NCK1: variants seen among roughly 807,000 people sequenced by gnomAD.
NCK1 encodes SH2/SH3 adapter protein NCK1.
In NCK1, 19 loss-of-function variants were observed where a neutral mutation model predicts 36.6. The observed-to-expected ratio is 0.52, with a 90% CI of 0.36 to 0.76. NCK1 has a LOEUF of 0.76. Among genes scored for constraint, NCK1 ranks in the 30% least tolerant of loss-of-function variants. The pLI, the probability that NCK1 is intolerant of heterozygous loss-of-function variation, is 0.00. For missense variants in NCK1, 358 were observed against 445.6 expected (o/e 0.80, Z 1.77); for synonymous variants, 165 against 156.0 (o/e 1.06, Z -0.43).
intron 1 of NCK1, among the ~76,000 whole-genome samples, chr3:136,907,994 C>G (rs1939732205): frequency 6.6e-6 from 1 of 152,174 alleles, no homozygotes; most frequent in Non-Finnish European, 1.5e-5. Flanking sequence ...ATCACTTACT[C>G]TCTTTGGGAA....
In NCK1 at chr3:136,928,266, A is replaced by G. The variant is rs761527835; in HGVS notation, c.226+39A>G. The G allele has an allele frequency of 3.3e-6, 5 of 1,533,214 alleles. No individual in the cohort carries two copies. The South Asian group carries it at 6.2e-5, about 19-fold the overall frequency. The allele number at this position is 1,533,214 out of a possible 1,614,324, so 95.0% of individuals were successfully genotyped here. ...TAAAAGAAAAGCAACTTTGTTTTAA[A>G]TGAAACCTGCAACTTAGTTCTTTGT... is the stretch of plus-strand genomic sequence containing the variant. On this transcript the variant is annotated intron_variant, in intron 2 of 3. Coordinates refer to ENST00000481752, the MANE Select transcript of NCK1 (RefSeq NM_001291999.2).
At chr3:136,908,479 T>C (rs1939743507) in intron 1 of NCK1, among the ~76,000 whole-genome samples, 2 of 152,198 alleles carry the variant, frequency 1.3e-5, no homozygotes, top group African/African-American at 4.8e-5. Flanking sequence ...CATTTGGATA[T>C]GGAAACAGGG....
intron 2 of NCK1, among the ~76,000 whole-genome samples, chr3:136,934,407 TC>T (rs982779384): frequency 5.2e-4 from 79 of 152,060 alleles, no homozygotes; most frequent in African/African-American, 1.7e-3. Context: ...TGCCTCAGCC[TC>T]CCGAGTAGCT....
At chr3:136,867,104 C>G (rs1336549732) in intron 1 of NCK1, among the ~76,000 whole-genome samples, 1 of 31,926 alleles carries the variant, frequency 3.1e-5, no homozygotes, top group African/African-American at 1.1e-4. Flanking sequence ...TTCTTTCTTT[C>G]TTTCTTTCTT....
At chr3:136,878,990 CTG>C (rs1182760122) in intron 1 of NCK1, among the ~76,000 whole-genome samples, 1 of 152,080 alleles carries the variant, frequency 6.6e-6, no homozygotes, top group Admixed American at 6.6e-5. Flanking sequence ...AGAAGAGAAT[CTG>C]TGTTATTTAC....
chr3:136,896,799 CCATA>C (rs1939403937), intron 1 of NCK1, among the ~76,000 whole-genome samples: 1 of 151,816 alleles, frequency 6.6e-6, no homozygotes, highest in African/African-American at 2.4e-5. Context: ...GTGCCTGGCC[CCATA>C]CATCTGTTGA....
intron 1 of NCK1, among the ~76,000 whole-genome samples, chr3:136,914,993 T>C (rs973812862): frequency 1.3e-5 from 2 of 152,234 alleles, no homozygotes; most frequent in Non-Finnish European, 2.9e-5. Flanking sequence ...GTGATCTGTG[T>C]ACATGCTGGC....
intron 1 of NCK1, among the ~76,000 whole-genome samples, chr3:136,877,117 C>A (rs1315834703): frequency 6.6e-6 from 1 of 151,972 alleles, no homozygotes; most frequent in Non-Finnish European, 1.5e-5. Context: ...AATAATGAGA[C>A]AAAAATACAT....
chr3:136,876,788 G>A (rs1938785878), intron 1 of NCK1, among the ~76,000 whole-genome samples: 1 of 152,118 alleles, frequency 6.6e-6, no homozygotes, highest in African/African-American at 2.4e-5. Flanking sequence ...ACGAATCAGT[G>A]TAACTGCTAA....
At chr3:136,904,560 G>C (rs777196674) in intron 1 of NCK1, among the ~76,000 whole-genome samples, 4 of 152,196 alleles carry the variant, frequency 2.6e-5, no homozygotes, top group Non-Finnish European at 4.4e-5. Context: ...GTGACTAGAT[G>C]CTTTTCTTGC....
At chr3:136,930,428 T>C in intron 2 of NCK1, 1 of 1,231,152 alleles carries the variant, frequency 8.1e-7, no homozygotes, top group East Asian at 3.2e-5. Flanking sequence ...AAATTTTCTA[T>C]TGCCTGGGTG....
chr3:136,934,354 C>T (rs555293898), intron 2 of NCK1, among the ~76,000 whole-genome samples: 25 of 151,498 alleles, frequency 1.7e-4, no homozygotes, highest in South Asian at 2.1e-4. Context: ...GGTGTGATCT[C>T]GGCTCACTGC....
chr3:136,867,426 T>TTG (rs1938483796), intron 1 of NCK1: 1 of 146,346 alleles, frequency 6.8e-6, no homozygotes, highest in East Asian at 2.0e-4. Flanking sequence ...TTTTTTTTTT[T>TTG]GTAGAGATAG....
In NCK1 at chr3:136,946,286, T is replaced by C; in HGVS notation, c.930T>C (p.Ser310=). The C allele has an allele frequency of 1.2e-6, 2 of 1,607,904 alleles. No homozygotes were observed. Among genetic ancestry groups the C allele is most frequent in the Non-Finnish European group, 1.7e-6 (2 of 1,176,086 alleles). Residue 310 remains serine, a synonymous_variant, in exon 3 of 4, where the codon AGT becomes AGC. Transcript: ENST00000481752. ...GHEGDFLIRD[S]ESSPNDFSVS... ...AAGGGGATTTCCTCATTCGTGATAG[T>C]GAATCTTCGGTAAGTTGATTTTCGG... is the stretch of plus-strand genomic sequence containing the variant.
rs148059081 is a variant in NCK1, at chr3:136,892,928, C to G, written c.-19+30575C>G. On this transcript the variant is annotated intron_variant, in intron 1 of 3. Coordinates refer to ENST00000481752, the MANE Select transcript of NCK1 (RefSeq NM_001291999.2). ...AACCATCACCCAACAGCAATGTACA[C>G]TGTACCCAATGTGTAGTCTTTTATC... Among the ~76,000 whole-genome samples, 597 of 152,004 alleles carry G rather than the reference C, an allele frequency of 3.9e-3. 2 individuals are homozygous for G. The highest frequency in any genetic ancestry group is 0.013 in the African/African-American group (527 of 41,482).
At chr3:136,911,989 T>C (rs867931335) in intron 1 of NCK1, among the ~76,000 whole-genome samples, 2 of 152,092 alleles carry the variant, frequency 1.3e-5, no homozygotes, top group Middle Eastern at 3.2e-3. Context: ...ATCCCTTATA[T>C]GTGACAGATT....
At chr3:136,877,132 G>T (rs1047870128) in intron 1 of NCK1, among the ~76,000 whole-genome samples, 1 of 152,092 alleles carries the variant, frequency 6.6e-6, no homozygotes, top group Admixed American at 6.6e-5. Flanking sequence ...ATACATAAAA[G>T]ATTTAAACAC....
chr3:136,930,426 T>C (rs1940361174), intron 2 of NCK1: 17 of 1,230,872 alleles, frequency 1.4e-5, no homozygotes, highest in Non-Finnish European at 1.7e-5. Flanking sequence ...AAAAATTTTC[T>C]ATTGCCTGGG....
chr3:136,895,824 C>T (rs1308453453), intron 1 of NCK1, among the ~76,000 whole-genome samples: 1 of 152,184 alleles, frequency 6.6e-6, no homozygotes, highest in Non-Finnish European at 1.5e-5. Context: ...CTTGGCCTCC[C>T]AAAGTGCTGG....
Sources: gnomAD v4.1 joint callset for allele counts (sites outside exome capture counted in the v4.1 genomes callset) on GRCh38, gnomAD v4.1.1 for gene constraint, MANE v1.5 for transcripts, NCBI Gene and HGNC (gene_info 2026-07-23, HGNC 2026-07-21) for gene names.